The following CHIC2 variants were observed in gnomAD, a reference collection of about 807,000 sequenced individuals.
CHIC2 encodes the protein cysteine-rich hydrophobic domain-containing protein 2.
A neutral mutation model predicts 25.9 loss-of-function variants in CHIC2; 14 were observed. That is an observed-to-expected ratio of 0.54 (90% CI 0.36 to 0.85). The LOEUF (loss-of-function observed/expected upper bound fraction) is 0.85, where lower values mean the gene tolerates loss of function less well. Among genes scored for constraint, CHIC2 ranks in the 40% least tolerant of loss-of-function variants. The pLI, the probability that CHIC2 is intolerant of heterozygous loss-of-function variation, is 0.01. For missense variants in CHIC2, 146 were observed against 202.0 expected, an observed-to-expected ratio of 0.72 and a Z score of 1.68; for synonymous variants, 70 against 72.0, an observed-to-expected ratio of 0.97 and a Z score of 0.14.
chr4:54,083,085 G>A, the CHIC2 span, among the ~76,000 whole-genome samples: 1 of 123,562 alleles, frequency 8.1e-6, no homozygotes, highest in Non-Finnish European at 1.6e-5. Flanking sequence ...GAGTGATCTC[G>A]GCTCACTGCA....
chr4:54,087,187 C>A, the CHIC2 span: 1 of 701,478 alleles, frequency 1.4e-6, no homozygotes. Context: ...GATATGGGGG[C>A]AGTACCAGCA....
At chr4:54,072,448 C>T in the CHIC2 span, among the ~76,000 whole-genome samples, 1 of 152,164 alleles carries the variant, frequency 6.6e-6, no homozygotes, top group African/African-American at 2.4e-5. Context: ...CCAGAATGAA[C>T]CCAAAAGTCA....
At chr4:54,087,445 G>C in the CHIC2 span, 2 of 640,226 alleles carry the variant, frequency 3.1e-6, no homozygotes, top group Non-Finnish European at 5.1e-6. Flanking sequence ...TCGATAATAA[G>C]GCATAGGCAG....
At chr4:54,055,144 TA>T (rs1411506220) in intron 1 of CHIC2, among the ~76,000 whole-genome samples, 1 of 152,108 alleles carries the variant, frequency 6.6e-6, no homozygotes, top group East Asian at 1.9e-4. Context: ...AATATATATA[TA>T]TTTTTTGTAA....
chr4:54,058,559 TACACAC>T lies in CHIC2; in HGVS notation c.119+5617_119+5622del, dbSNP rs36034143. On this transcript the variant is annotated intron_variant, in intron 1 of 5. Transcript: ENST00000263921. ...AGTCACATACACACATACACACACA[TACACAC>T]ACACACACACACACACACACACACA... is the stretch of plus-strand genomic sequence containing the variant. Among the ~76,000 whole-genome samples, 756 of 138,550 alleles carry T rather than the reference TACACAC, an allele frequency of 5.5e-3. 6 individuals carry two copies. The highest frequency in any genetic ancestry group is 0.015 in the African/African-American group (581 of 38,148). The allele number at this position is 138,550 out of a possible 152,430, so 90.9% of individuals were successfully genotyped here. A position where few individuals can be genotyped will look rare whatever the true frequency, so the allele number is the denominator to read the frequency against.
intron 3 of CHIC2, among the ~76,000 whole-genome samples, chr4:54,043,420 CAAAAAAAAA>C (rs902677237): frequency 1.6e-4 from 9 of 55,864 alleles, no homozygotes; most frequent in South Asian, 6.3e-4. Context: ...GACTCCATTT[CAAAAAAAAA>C]AAAAAAAAAA....
At chr4:54,013,536 G>A (rs1715650451) in intron 5 of CHIC2, among the ~76,000 whole-genome samples, 1 of 152,056 alleles carries the variant, frequency 6.6e-6, no homozygotes, top group South Asian at 2.1e-4. Flanking sequence ...CAAAGTTGTG[G>A]TTATTCTTTA....
intron 1 of CHIC2, among the ~76,000 whole-genome samples, chr4:54,062,498 T>C (rs942372089): frequency 6.6e-6 from 1 of 152,226 alleles, no homozygotes; most frequent in African/African-American, 2.4e-5. Context: ...CTAATAATTA[T>C]TTTCTACCCT....
intron 3 of CHIC2, among the ~76,000 whole-genome samples, chr4:54,025,543 G>C (rs1303625424): frequency 1.3e-5 from 2 of 152,148 alleles, no homozygotes; most frequent in Non-Finnish European, 2.9e-5. Flanking sequence ...GGATGCATGA[G>C]ACACTTAGGA....
the CHIC2 span, among the ~76,000 whole-genome samples, chr4:54,085,391 C>T: frequency 6.6e-6 from 1 of 152,150 alleles, no homozygotes; most frequent in Non-Finnish European, 1.5e-5. Context: ...GCTGTGTATG[C>T]ATACAGAATT....
intron 3 of CHIC2, among the ~76,000 whole-genome samples, chr4:54,043,248 T>C (rs1716647164): frequency 6.6e-6 from 1 of 151,944 alleles, no homozygotes; most frequent in African/African-American, 2.4e-5. Context: ...AGTGAAAACC[T>C]GTCTCTACTA....
the CHIC2 span, among the ~76,000 whole-genome samples, chr4:54,071,153 A>G: frequency 6.6e-6 from 1 of 152,220 alleles, no homozygotes; most frequent in Non-Finnish European, 1.5e-5. Context: ...GCTTCCTGAG[A>G]GCAGAACCAA....
chr4:54,053,043 C>T (rs992674864), intron 1 of CHIC2, among the ~76,000 whole-genome samples: 5 of 152,094 alleles, frequency 3.3e-5, no homozygotes, highest in African/African-American at 1.2e-4. Context: ...ACTAAAAACA[C>T]AGAAATACCA....
chr4:54,035,862 C>T (rs1716367130), intron 3 of CHIC2, among the ~76,000 whole-genome samples: 1 of 152,114 alleles, frequency 6.6e-6, no homozygotes, highest in Admixed American at 6.6e-5. Context: ...TTGAACACTG[C>T]TTTAGTAGTA....
chr4:54,044,743 G>A (rs1184760281), intron 3 of CHIC2, among the ~76,000 whole-genome samples: 5 of 151,136 alleles, frequency 3.3e-5, no homozygotes, highest in South Asian at 2.1e-4. Flanking sequence ...AAGAACTAGA[G>A]AAGCAAGAGC....
chr4:54,070,254 A>G, the CHIC2 span, among the ~76,000 whole-genome samples: 7 of 152,210 alleles, frequency 4.6e-5, no homozygotes, highest in African/African-American at 7.2e-5. Context: ...GCAGAGCCAG[A>G]TTGGAGTTGA....
At chr4:54,048,156 T>C (rs180851257) in intron 3 of CHIC2, among the ~76,000 whole-genome samples, 2,044 of 152,108 alleles carry the variant, frequency 0.013, 28 homozygotes, top group Non-Finnish European at 0.018. Context: ...GCCTGGCTAA[T>C]TTTTTGTATT....
upstream of CHIC2, among the ~76,000 whole-genome samples, chr4:54,068,922 A>G (rs1291210456): frequency 6.6e-6 from 1 of 152,212 alleles, no homozygotes; most frequent in Non-Finnish European, 1.5e-5. Context: ...AAGTTCAACT[A>G]ATTTGTTAGA....
intron 1 of CHIC2, chr4:54,060,791 A>C (rs1466985859): frequency 6.6e-6 from 1 of 152,174 alleles, no homozygotes; most frequent in Non-Finnish European, 1.5e-5. Flanking sequence ...TGTTTATTTT[A>C]GAAACTATTT....
Sources: gnomAD v4.1 joint callset for allele counts (sites outside exome capture counted in the v4.1 genomes callset) on GRCh38, gnomAD v4.1.1 for gene constraint, MANE v1.5 for transcripts, NCBI Gene and HGNC (gene_info 2026-07-23, HGNC 2026-07-21) for gene names.